The following NEK1 variants were observed in gnomAD, a reference collection of about 807,000 sequenced individuals.
NEK1 encodes serine/threonine-protein kinase Nek1.
NEK1 carries 137 observed loss-of-function variants against 182.1 expected under a neutral mutation model. The ratio of observed to expected loss-of-function variants is 0.75; its 90% CI spans 0.65 to 0.87. The LOEUF is 0.87. Ranked by LOEUF, NEK1 falls within the 40% of genes least tolerant of loss-of-function variation. The probability of loss-of-function intolerance (pLI) is 0.00; values close to 1 mark genes in which losing one functional copy is unlikely to be tolerated. For synonymous variants in NEK1, 513 were observed against 492.2 expected (o/e 1.04, Z -0.56); for missense variants, 1,391 against 1,494.4 (o/e 0.93, Z 1.14).
At position 169,410,187 on chromosome 4, in the gene NEK1, T is replaced by C. The variant is rs1003313576; in HGVS notation, c.3223-3440A>G. On this transcript the variant is annotated intron_variant, in intron 31 of 35. Transcript: ENST00000507142. ...TATAACACACTGGCTGAGATCTTCATGTACAGTATTTTTTTTTTCAAGATT... is the reference window on the plus strand; with the variant it reads ...TATAACACACTGGCTGAGATCTTCACGTACAGTATTTTTTTTTTCAAGATT... 2.0e-5 allele frequency among the ~76,000 whole-genome samples: 3 copies of C among 152,328 alleles called. No individual in the cohort carries two copies. The East Asian group carries it at 5.8e-4, about 29-fold the overall frequency.
intron 13 of NEK1, 79 bp from the exon 14 acceptor site, chr4:169,561,970 TGGC>T (rs1245051509): frequency 2.4e-6 from 3 of 1,236,166 alleles, no homozygotes; most frequent in Non-Finnish European, 3.4e-6. Flanking sequence ...AGTACACCAA[TGGC>T]AGAGGTATGT....
intron 19 of NEK1, among the ~76,000 whole-genome samples, chr4:169,512,652 C>T (rs1317885943): frequency 6.6e-6 from 1 of 151,942 alleles, no homozygotes; most frequent in African/African-American, 2.4e-5. Flanking sequence ...TTGGATTATA[C>T]TCTTGGTGTC....
At chr4:169,546,743 C>A (rs1760532515) in intron 18 of NEK1, among the ~76,000 whole-genome samples, 1 of 152,162 alleles carries the variant, frequency 6.6e-6, no homozygotes, top group African/African-American at 2.4e-5. Context: ...CCTTCTTTGT[C>A]TCGTTTGATC....
At chr4:169,430,809 A>G (rs1737282328) in intron 29 of NEK1, among the ~76,000 whole-genome samples, 1 of 152,128 alleles carries the variant, frequency 6.6e-6, no homozygotes, top group Non-Finnish European at 1.5e-5. Flanking sequence ...ACATTAATGC[A>G]AGATGTTAAA....
At chr4:169,526,705 C>A (rs949589719) in intron 19 of NEK1, among the ~76,000 whole-genome samples, 2 of 152,132 alleles carry the variant, frequency 1.3e-5, no homozygotes, top group Non-Finnish European at 2.9e-5. Context: ...CCTTCAGACT[C>A]AGAATTTAAT....
intron 27 of NEK1, among the ~76,000 whole-genome samples, chr4:169,449,351 C>T (rs1741257983): frequency 6.6e-6 from 1 of 152,238 alleles, no homozygotes; most frequent in African/African-American, 2.4e-5. Flanking sequence ...TAGACTGCCT[C>T]CTCAACTGGG....
chr4:169,544,577 GCTGTGAAT>G (rs1385282202), intron 18 of NEK1, among the ~76,000 whole-genome samples: 1 of 146,750 alleles, frequency 6.8e-6, no homozygotes, highest in Non-Finnish European at 1.5e-5. Flanking sequence ...GTAGAATTCG[GCTGTGAAT>G]CTGTCTGGTC....
At chr4:169,555,533 G>T in intron 18 of NEK1, 187 bp downstream of exon 18, 1 of 522,322 alleles carries the variant, frequency 1.9e-6, no homozygotes. Flanking sequence ...GGCTGAACTG[G>T]AAAGCTACAT....
intron 31 of NEK1, among the ~76,000 whole-genome samples, chr4:169,423,948 G>A (rs1002874390): frequency 6.6e-6 from 1 of 152,076 alleles, no homozygotes; most frequent in Admixed American, 6.6e-5. Context: ...AATAGAAAAG[G>A]TTATAAAGAG....
At chr4:169,424,169 A>C (rs910420664) in intron 31 of NEK1, among the ~76,000 whole-genome samples, 1 of 152,194 alleles carries the variant, frequency 6.6e-6, no homozygotes, top group African/African-American at 2.4e-5. Context: ...GCATATGAAT[A>C]TCTCTTAATG....
chr4:169,598,792 C>T (rs1051625658), intron 5 of NEK1, among the ~76,000 whole-genome samples: 1 of 152,064 alleles, frequency 6.6e-6, no homozygotes, highest in South Asian at 2.1e-4. Context: ...AGTCTGGCAG[C>T]AGTAAGCCAG....
At chr4:169,546,665 T>G (rs1474065488) in intron 18 of NEK1, among the ~76,000 whole-genome samples, 1 of 152,218 alleles carries the variant, frequency 6.6e-6, no homozygotes, top group African/African-American at 2.4e-5. Context: ...GCTCCTGTAT[T>G]GGGTACGTAT....
intron 23 of NEK1, among the ~76,000 whole-genome samples, chr4:169,500,043 TC>T (rs1425461857): frequency 6.6e-6 from 1 of 152,188 alleles, no homozygotes; most frequent in African/African-American, 2.4e-5. Flanking sequence ...TGCGGTGGGC[TC>T]CACCCAGTTT....
At position 169,553,624 on chromosome 4, in the gene NEK1, G is replaced by A. The variant is rs77697290; in HGVS notation, c.1562+2096C>T. ...CCAAAGACATACCTGATAAAGGACT[G>A]TTAAATAAAATATACAAAGAACTTT... On this transcript the variant is annotated intron_variant, in intron 18 of 35. Coordinates refer to ENST00000507142, the MANE Select transcript of NEK1 (RefSeq NM_001199397.3). Among the ~76,000 whole-genome samples the A allele has an allele frequency of 8.7e-4, 132 of 152,258 alleles. 2 individuals are homozygous for A. In the East Asian group the frequency reaches 0.024, roughly 28 times the overall value.
At chr4:169,467,892 C>T (rs956806184) in intron 26 of NEK1, among the ~76,000 whole-genome samples, 1 of 151,948 alleles carries the variant, frequency 6.6e-6, no homozygotes, top group African/African-American at 2.4e-5. Flanking sequence ...ATGATCTAAA[C>T]ATACCAGTTA....
At chr4:169,610,949 C>A (rs1581147627) in intron 2 of NEK1, among the ~76,000 whole-genome samples, 1 of 152,176 alleles carries the variant, frequency 6.6e-6, no homozygotes, top group Non-Finnish European at 1.5e-5. Flanking sequence ...GAAAAAAGTT[C>A]TTTATCTTCC....
chr4:169,543,630 T>C (rs1022641818), intron 18 of NEK1, among the ~76,000 whole-genome samples: 61 of 152,332 alleles, frequency 4.0e-4, no homozygotes, highest in Non-Finnish European at 8.1e-4. Context: ...ATGGAATGTT[T>C]TTCCATTTGT....
At chr4:169,483,972 T>C (rs1182366602) in intron 23 of NEK1, among the ~76,000 whole-genome samples, 1 of 152,056 alleles carries the variant, frequency 6.6e-6, no homozygotes, top group Non-Finnish European at 1.5e-5. Flanking sequence ...TTTGAAACTT[T>C]GTTTGTTTTA....
intron 30 of NEK1, 136 bp from the exon 31 acceptor site, chr4:169,424,936 TGTC>T (rs1736117234): frequency 3.8e-6 from 3 of 785,268 alleles, no homozygotes; most frequent in Non-Finnish European, 5.9e-6. Flanking sequence ...AAAATATGTG[TGTC>T]AGTATATTAC....
Sources: allele counts gnomAD v4.1 joint callset (sites outside exome capture counted in the v4.1 genomes callset), GRCh38; gene constraint gnomAD v4.1.1; transcripts MANE v1.5; gene names NCBI Gene and HGNC (gene_info 2026-07-23, HGNC 2026-07-21).